EFEMP1: variants seen among roughly 807,000 people sequenced by gnomAD.
The protein encoded by EFEMP1 is EGF-containing fibulin-like extracellular matrix protein 1.
EFEMP1 carries 18 observed loss-of-function variants against 65.7 expected under a neutral mutation model. The ratio of observed to expected loss-of-function variants is 0.27; its 90% CI spans 0.19 to 0.41. The LOEUF (loss-of-function observed/expected upper bound fraction) is 0.41. Ranked by LOEUF, EFEMP1 falls within the 10% of genes least tolerant of loss-of-function variation. EFEMP1 has a pLI of 1.00. For missense variants in EFEMP1, 469 were observed against 624.8 expected (o/e 0.75, Z 2.66); for synonymous variants, 237 against 219.7 (o/e 1.08, Z -0.70).
intron 5 of EFEMP1, among the ~76,000 whole-genome samples, chr2:55,894,998 G>C (rs1211873740): frequency 6.6e-6 from 1 of 152,202 alleles, no homozygotes; most frequent in Non-Finnish European, 1.5e-5. Context: ...TCCAACTTGA[G>C]AACTCTGACT....
chr2:55,922,341 A>C lies in EFEMP1; in HGVS notation c.81+19T>G. 1 of 1,612,486 alleles carries C rather than the reference A, an allele frequency of 6.2e-7. No individual in the cohort carries two copies. Among genetic ancestry groups the C allele is most frequent in the East Asian group, 2.2e-5 (1 of 44,870 alleles). On this transcript the variant is annotated intron_variant, in intron 3 of 11. Coordinates refer to ENST00000355426, the MANE Select transcript of EFEMP1 (RefSeq NM_001039348.3). The surrounding 1 kb of genome is among the most constrained non-coding windows in gnomAD (Gnocchi z 5.5). Reference sequence around the variant, plus strand: ...AATCCCGCTGAACCGTACTTATTTCAAATTCCATCACCCCTTACCGTGTAC... The same window carrying C: ...AATCCCGCTGAACCGTACTTATTTCCAATTCCATCACCCCTTACCGTGTAC...
chr2:55,896,518 A>G (rs1005519361), intron 5 of EFEMP1, among the ~76,000 whole-genome samples: 2 of 152,228 alleles, frequency 1.3e-5, no homozygotes, highest in African/African-American at 4.8e-5. Flanking sequence ...TCCTTGAGCT[A>G]AAATATTTTC....
chr2:55,877,964 TA>T lies in EFEMP1; in HGVS notation c.641-100del. 3 of 1,421,538 alleles carry T rather than the reference TA, an allele frequency of 2.1e-6. No individual in the cohort carries two copies. The highest frequency in any genetic ancestry group is 2.9e-6 in the Non-Finnish European group (3 of 1,034,700). The allele number at this position is 1,421,538 out of a possible 1,614,324, so 88.1% of individuals were successfully genotyped here. A position where few individuals can be genotyped will look rare whatever the true frequency, so the allele number is the denominator to read the frequency against. ...AACCTATGTAGAGAAAATCTCTTTT[TA>T]AAAGTAATAATTTCCTATTTTGTTA... On this transcript the variant is annotated intron_variant, in intron 6 of 11. Transcript: ENST00000355426. This position sits in a 1 kb window ranked among gnomAD's most constrained non-coding sequence, Gnocchi z 4.5.
chr2:55,873,066 C>CCACACACACACACACACACACACACACA lies in EFEMP1; in HGVS notation c.1000+1852_1000+1879dup, dbSNP rs58841515. The stretch of plus-strand genomic sequence containing the variant: ...TTCTTTTGTCTCTCTGTCTCTCTCT[C>CCACACACACACACACACACACACACACA]CACACACACACACACACACACACAC... On this transcript the variant is annotated intron_variant, in intron 9 of 11. Transcript: ENST00000355426. The surrounding 1 kb of genome is among the most constrained non-coding windows in gnomAD (Gnocchi z 4.6). Among the ~76,000 whole-genome samples, 2 of 145,294 alleles carry CCACACACACACACACACACACACACACA rather than the reference C, an allele frequency of 1.4e-5. No homozygotes were observed. The highest frequency in any genetic ancestry group is 5.1e-5 in the African/African-American group (2 of 39,280).
chr2:55,868,125 C>T (rs540450810), intron 11 of EFEMP1, among the ~76,000 whole-genome samples: 33 of 152,304 alleles, frequency 2.2e-4, no homozygotes, highest in African/African-American at 3.8e-4. Flanking sequence ...ACAAGCTCCA[C>T]GGGGGCAGGA....
intron 11 of EFEMP1, among the ~76,000 whole-genome samples, chr2:55,869,644 C>T (rs796872011): frequency 2.6e-5 from 4 of 152,150 alleles, no homozygotes; most frequent in African/African-American, 9.6e-5. Context: ...AACTGTACCA[C>T]AAGGATGAAT....
chr2:55,902,476 T>G (rs1340397694), intron 5 of EFEMP1, among the ~76,000 whole-genome samples: 1 of 152,228 alleles, frequency 6.6e-6, no homozygotes, highest in Non-Finnish European at 1.5e-5. Context: ...TATATTAATA[T>G]ATGCAAAAAG....
intron 5 of EFEMP1, among the ~76,000 whole-genome samples, chr2:55,905,141 A>T (rs4487120): frequency 0.61 from 93,366 of 151,878 alleles, 30,232 homozygotes; most frequent in East Asian, 0.9. Context: ...GCCTATCAAG[A>T]TTTACACTGA....
At chr2:55,876,544 A>G in intron 8 of EFEMP1, 79 bp downstream of exon 8, 1 of 1,568,656 alleles carries the variant, frequency 6.4e-7, no homozygotes, top group Non-Finnish European at 8.7e-7. Context: ...TTGTTTTCAT[A>G]AATGGGTACA....
In EFEMP1 at chr2:55,876,787, T is replaced by C. The variant is rs778701916; in HGVS notation, c.761-45A>G. ...ATATATATATGTATATGTATATATA[T>C]ACACACACATATATATATAGACTTT... On this transcript the variant is annotated intron_variant, in intron 7 of 11. Coordinates refer to ENST00000355426, the MANE Select transcript of EFEMP1 (RefSeq NM_001039348.3). 275 of 1,170,570 alleles carry C rather than the reference T, an allele frequency of 2.3e-4. 1 individual carries two copies. Among genetic ancestry groups the C allele is most frequent in the African/African-American group, 1.6e-3 (104 of 63,704 alleles). The allele number at this position is 1,170,570 out of a possible 1,614,324, so 72.5% of individuals were successfully genotyped here.
At position 55,923,599 on chromosome 2, in the gene EFEMP1, A is replaced by G; in HGVS notation, c.-49+112T>C. On this transcript the variant is annotated intron_variant, in intron 1 of 11. Coordinates refer to ENST00000355426, the MANE Select transcript of EFEMP1 (RefSeq NM_001039348.3). The surrounding 1 kb of genome is among the most constrained non-coding windows in gnomAD (Gnocchi z 5.3). ...CTGCCCGAGACACCCTGCACAGTCC[A>G]GGGCAGTTCTCGGGTACTCAACACC... 1 of 985,464 alleles carries G rather than the reference A, an allele frequency of 1.0e-6. No individual in the cohort carries two copies. Among genetic ancestry groups the G allele is most frequent in the African/African-American group, 1.7e-5 (1 of 57,322 alleles). 61.0% of individuals were successfully genotyped at this position (985,464 alleles called of 1,614,324 possible). A position where few individuals can be genotyped will look rare whatever the true frequency, so the allele number is the denominator to read the frequency against.
chr2:55,885,675 T>G lies in EFEMP1; in HGVS notation c.518-3941A>C, dbSNP rs1669397152. Among the ~76,000 whole-genome samples, 1 of 152,154 alleles carries G rather than the reference T, an allele frequency of 6.6e-6. No homozygotes were observed. Among genetic ancestry groups the G allele is most frequent in the African/African-American group, 2.4e-5 (1 of 41,444 alleles). ...CTCTTGCTGACTTTGGCACCGTTAG[T>G]TGCTTTAAATAACACAGGCTAATCT... On this transcript the variant is annotated intron_variant, in intron 5 of 11. Coordinates refer to ENST00000355426, the MANE Select transcript of EFEMP1 (RefSeq NM_001039348.3). This position sits in a 1 kb window ranked among gnomAD's most constrained non-coding sequence, Gnocchi z 4.3.
At position 55,866,889 on chromosome 2, in the gene EFEMP1, G is replaced by A; in HGVS notation, c.*184C>T. On this transcript the variant is annotated 3_prime_UTR_variant, in exon 12 of 12. Coordinates refer to ENST00000355426, the MANE Select transcript of EFEMP1 (RefSeq NM_001039348.3). ...TGTCTAATTTACATATAGTAATAAA[G>A]ACAAACTTTGAATCTTTACATATTA... The A allele has an allele frequency of 2.7e-6, 2 of 729,508 alleles. No individual in the cohort carries two copies. Among genetic ancestry groups the A allele is most frequent in the South Asian group, 3.8e-5 (2 of 52,200 alleles). The allele number at this position is 729,508 out of a possible 1,614,324, so 45.2% of individuals were successfully genotyped here.
intron 5 of EFEMP1, among the ~76,000 whole-genome samples, chr2:55,887,282 T>C (rs149782762): frequency 6.6e-6 from 1 of 152,292 alleles, no homozygotes; most frequent in Non-Finnish European, 1.5e-5. Context: ...TTCCTATGAG[T>C]TCTGGAGAGT....
intron 5 of EFEMP1, among the ~76,000 whole-genome samples, chr2:55,902,735 A>C (rs3791661): frequency 0.36 from 55,327 of 151,962 alleles, 11,072 homozygotes; most frequent in African/African-American, 0.53. Context: ...TTTGCTTCTG[A>C]GTCATTAATT....
chr2:55,898,218 C>A (rs1452410363), intron 5 of EFEMP1, among the ~76,000 whole-genome samples: 1 of 152,112 alleles, frequency 6.6e-6, no homozygotes, highest in Non-Finnish European at 1.5e-5. Context: ...GGTGAAATTA[C>A]ACCATCTTGT....
Position 55,871,130 on chromosome 2 carries a change from A to G in EFEMP1, c.1001-7T>C. The G allele has an allele frequency of 2.5e-6, 4 of 1,613,438 alleles. No individual in the cohort carries two copies. In the South Asian group the frequency reaches 3.3e-5, roughly 13 times the overall value. ...GTCTCACACTCATTTATATCTGTAGAGATGTAGGGTCAAAGAGTTTACTAA... is the reference window on the plus strand; with the variant it reads ...GTCTCACACTCATTTATATCTGTAGGGATGTAGGGTCAAAGAGTTTACTAA... On this transcript the variant is annotated splice_polypyrimidine_tract_variant and splice_region_variant and intron_variant, in intron 9 of 11. Transcript: ENST00000355426. The surrounding 1 kb of genome is among the most constrained non-coding windows in gnomAD (Gnocchi z 4.2).
At chr2:55,916,777 G>A (rs963552054) in intron 5 of EFEMP1, among the ~76,000 whole-genome samples, 1 of 152,204 alleles carries the variant, frequency 6.6e-6, no homozygotes, top group African/African-American at 2.4e-5. Context: ...ACACCAGGCT[G>A]CTCTGAAATG....
In EFEMP1 at chr2:55,883,830, A is replaced by G. The variant is rs1257887205; in HGVS notation, c.518-2096T>C. ...AAACCTGTGCTACTCCTTCTTAAGA[A>G]TGAGGTCTGTTTACCTTCTGAGTGG... On this transcript the variant is annotated intron_variant, in intron 5 of 11. Coordinates refer to ENST00000355426, the MANE Select transcript of EFEMP1 (RefSeq NM_001039348.3). The surrounding 1 kb of genome is among the most constrained non-coding windows in gnomAD (Gnocchi z 4.5). 6.6e-6 allele frequency among the ~76,000 whole-genome samples: 1 copy of G among 152,214 alleles called. No homozygotes were observed. Among genetic ancestry groups the G allele is most frequent in the Non-Finnish European group, 1.5e-5 (1 of 68,032 alleles).
Sources: gnomAD v4.1 joint callset for allele counts (sites outside exome capture counted in the v4.1 genomes callset) on GRCh38, gnomAD v4.1.1 for gene constraint, Gnocchi (gnomAD v3.1) non-coding constraint, MANE v1.5 for transcripts, NCBI Gene and HGNC (gene_info 2026-07-23, HGNC 2026-07-21) for gene names.